RNF168: variants seen among roughly 807,000 people sequenced by gnomAD.
RNF168 encodes ring finger protein 168.
In RNF168, 34 loss-of-function variants were observed where a neutral mutation model predicts 34.9. The observed-to-expected ratio is 0.97, with a 90% confidence interval of 0.74 to 1.30. The LOEUF (loss-of-function observed/expected upper bound fraction) is 1.30, where lower values mean the gene tolerates loss of function less well. Ranked by LOEUF, RNF168 falls within the 50% of genes most tolerant of loss-of-function variation. RNF168 has a pLI of 0.00. For synonymous variants in RNF168, 264 were observed against 254.7 expected (o/e 1.04, Z -0.35); for missense variants, 725 against 682.5 (o/e 1.06, Z -0.69).
At chr3:196,475,402 TG>T (rs1732120524) in intron 4 of RNF168, 90 bp from the exon 5 acceptor site, 5 of 788,712 alleles carry the variant, frequency 6.3e-6, no homozygotes, top group Middle Eastern at 4.5e-4. Context: ...GAAGGTTGTC[TG>T]GTTTGCTGCT....
intron 1 of RNF168, among the ~76,000 whole-genome samples, chr3:196,497,585 G>A (rs193084873): frequency 6.6e-6 from 1 of 151,790 alleles, no homozygotes; most frequent in Admixed American, 6.6e-5. Context: ...GAGGAGAATC[G>A]CTTGAACCTG....
At chr3:196,497,699 G>GA (rs980248605) in intron 1 of RNF168, among the ~76,000 whole-genome samples, 15 of 149,862 alleles carry the variant, frequency 1.0e-4, no homozygotes, top group Middle Eastern at 3.4e-3. Flanking sequence ...AAATCTTTTA[G>GA]AAAAAAAAAT....
At chr3:196,498,059 G>A (rs149844402) in intron 1 of RNF168, among the ~76,000 whole-genome samples, 2 of 152,274 alleles carry the variant, frequency 1.3e-5, no homozygotes, top group East Asian at 3.9e-4. Context: ...TAAAAAGACA[G>A]ATAACATCAA....
intron 1 of RNF168, among the ~76,000 whole-genome samples, chr3:196,489,338 T>C (rs1033700401): frequency 6.6e-6 from 1 of 151,866 alleles, no homozygotes; most frequent in East Asian, 1.9e-4. Context: ...AAATGTTTTT[T>C]TTTTTTGAGA....
chr3:196,487,387 C>T lies in RNF168; in HGVS notation c.558+12G>A. The T allele has an allele frequency of 1.2e-6, 2 of 1,611,162 alleles. No homozygotes were observed. The highest frequency in any genetic ancestry group is 1.7e-6 in the Non-Finnish European group (2 of 1,177,294). ...GGATGACCATACCTTAGCGTTCCCT[C>T]CTAAAACTTACAATATCAATGCTTA... On this transcript the variant is annotated intron_variant, in intron 3 of 5. Transcript: ENST00000318037.
In RNF168 at chr3:196,472,234, T is replaced by C. The variant is rs745558228; in HGVS notation, c.1301A>G (p.His434Arg). 2 of 1,614,112 alleles carry C rather than the reference T, an allele frequency of 1.2e-6. No individual in the cohort carries two copies. The highest frequency in any genetic ancestry group is 8.5e-7 in the Non-Finnish European group (1 of 1,179,960). Residue 434 changes from histidine to arginine, a missense_variant, in exon 6 of 6, where the codon CAT (histidine) becomes CGT (arginine). Transcript: ENST00000318037. The part of the protein sequence containing the change: ...NFTQKLIDLE[H>R]LLFERHKQEE... The stretch of plus-strand genomic sequence containing the variant: ...TTGTTTATGTCTCTCAAACAGTAGA[T>C]GCTCCAAATCTATCAGTTTTTGGGT...
At chr3:196,485,773 T>C (rs1732408153) in intron 3 of RNF168, among the ~76,000 whole-genome samples, 1 of 99,086 alleles carries the variant, frequency 1.0e-5, no homozygotes, top group Non-Finnish European at 2.2e-5. Flanking sequence ...GCTAAGTGTA[T>C]ATACATATAT....
rs907257903 is a variant in RNF168, at chr3:196,503,622, G to C, written c.-449C>G. On this transcript the variant is annotated 5_prime_UTR_variant, in exon 1 of 6. Coordinates refer to ENST00000318037, the MANE Select transcript of RNF168 (RefSeq NM_152617.4). ...GGGCTCCGGCTGCAGCATAACTTCC[G>C]CTTTACCGCTGCTGCGGGGGAGACG... The C allele has an allele frequency of 4.4e-6, 1 of 226,850 alleles. No homozygotes were observed. Among genetic ancestry groups the C allele is most frequent in the African/African-American group, 2.3e-5 (1 of 42,840 alleles). 14.1% of individuals were successfully genotyped at this position (226,850 alleles called of 1,614,324 possible).
intron 1 of RNF168, among the ~76,000 whole-genome samples, chr3:196,493,379 C>A (rs1732642302): frequency 6.6e-6 from 1 of 152,132 alleles, no homozygotes; most frequent in South Asian, 2.1e-4. Flanking sequence ...TTTTTGGAAA[C>A]AAGATCTCAC....
intron 3 of RNF168, among the ~76,000 whole-genome samples, chr3:196,486,369 T>G (rs963354504): frequency 2.6e-5 from 4 of 152,068 alleles, no homozygotes; most frequent in Non-Finnish European, 5.9e-5. Context: ...TTTTTTGAGA[T>G]GGTCTTCCAG....
chr3:196,475,143 T>C, intron 5 of RNF168, 88 bp downstream of exon 5: 1 of 806,340 alleles, frequency 1.2e-6, no homozygotes, highest in Middle Eastern at 2.2e-4. Flanking sequence ...TATAGGGGCT[T>C]TTGTTAAAAG....
chr3:196,482,352 A>G (rs898546348), intron 4 of RNF168, among the ~76,000 whole-genome samples: 3 of 152,172 alleles, frequency 2.0e-5, no homozygotes, highest in African/African-American at 7.2e-5. Flanking sequence ...TCATTTGTTA[A>G]TGGACATTTG....
intron 1 of RNF168, among the ~76,000 whole-genome samples, chr3:196,492,135 T>A (rs1488378494): frequency 1.3e-5 from 2 of 152,218 alleles, no homozygotes; most frequent in Non-Finnish European, 2.9e-5. Flanking sequence ...ATGGCGGATT[T>A]TATGTTATGT....
At chr3:196,480,581 T>C (rs945654616) in intron 4 of RNF168, among the ~76,000 whole-genome samples, 1 of 152,236 alleles carries the variant, frequency 6.6e-6, no homozygotes, top group Admixed American at 6.5e-5. Flanking sequence ...TTTGTAGTAT[T>C]AGGCATCTTC....
At position 196,472,675 on chromosome 3, in the gene RNF168, T is replaced by C. The variant is rs1175351626; in HGVS notation, c.860A>G (p.Glu287Gly). ...CTCTATTGAAGAATCTGCACCTTGT[T>C]CTCCAACTCCAAGGGATATCTGTGG... ...LSPQISLGVG[E>G]QGADSSIESP... Residue 287 changes from glutamate to glycine, a missense_variant, in exon 6 of 6, where the codon GAA (glutamate) becomes GGA (glycine). Transcript: ENST00000318037. 1 of 1,605,842 alleles carries C rather than the reference T, an allele frequency of 6.2e-7. No homozygotes were observed.
chr3:196,472,962 C>T (rs545111669), intron 5 of RNF168, among the ~76,000 whole-genome samples, 190 bp from the exon 6 acceptor site: 9 of 151,910 alleles, frequency 5.9e-5, no homozygotes, highest in Admixed American at 2.0e-4. Context: ...AGTGCAGTGG[C>T]GCGGTCTCAG....
intron 1 of RNF168, among the ~76,000 whole-genome samples, chr3:196,497,645 C>T (rs868276674): frequency 1.0e-4 from 15 of 150,544 alleles, no homozygotes; most frequent in South Asian, 2.1e-4. Flanking sequence ...CCAGCCTGGG[C>T]GACACAACGA....
chr3:196,475,043 G>A (rs13098146), intron 5 of RNF168, 188 bp downstream of exon 5: 321,326 of 566,722 alleles, frequency 0.57, 96,658 homozygotes, highest in Middle Eastern at 0.63. Flanking sequence ...TTTGTAGTAT[G>A]TTTATTTAAA....
chr3:196,473,876 G>GACTTCTATAAGTT, intron 5 of RNF168, among the ~76,000 whole-genome samples: 1 of 152,096 alleles, frequency 6.6e-6, no homozygotes, highest in Non-Finnish European at 1.5e-5. Flanking sequence ...TAAAGCTTGG[G>GACTTCTATAAGTT]ACTTCTATAA....
Sources: allele counts gnomAD v4.1 joint callset (sites outside exome capture counted in the v4.1 genomes callset), GRCh38; gene constraint gnomAD v4.1.1; transcripts MANE v1.5; gene names NCBI Gene and HGNC (gene_info 2026-07-23, HGNC 2026-07-21).